The following EDA variants were observed in gnomAD, a reference collection of about 807,000 sequenced individuals.
EDA encodes ectodysplasin-A.
EDA carries 2 observed loss-of-function variants against 23.6 expected under a neutral mutation model. The observed-to-expected ratio is 0.08, with a 90% CI of 0.03 to 0.27. The LOEUF is 0.27. Ranked by LOEUF, EDA falls within the 10% of genes least tolerant of loss-of-function variation. The pLI, the probability that EDA is intolerant of heterozygous loss-of-function variation, is 1.00. For missense variants in EDA, 229 were observed against 324.2 expected, an observed-to-expected ratio of 0.71 and a Z score of 2.26; for synonymous variants, 131 against 132.0, an observed-to-expected ratio of 0.99 and a Z score of 0.05.
intron 1 of EDA, among the ~76,000 whole-genome samples, chrX:69,939,271 C>T (rs1215810861): frequency 1.8e-5 from 2 of 111,388 alleles, no homozygotes; most frequent in South Asian, 3.8e-4. Flanking sequence ...CAATTTCTTA[C>T]GTCAATGTTT....
At chrX:69,977,954 G>T (rs1471611233) in intron 2 of EDA, among the ~76,000 whole-genome samples, 1 of 110,688 alleles carries the variant, frequency 9.0e-6, no homozygotes, top group African/African-American at 3.3e-5. Context: ...AAAGTGTTTT[G>T]TAAACTAAAT....
intron 1 of EDA, among the ~76,000 whole-genome samples, chrX:69,751,554 T>A (rs1398098224): frequency 8.9e-6 from 1 of 112,157 alleles, no homozygotes; most frequent in African/African-American, 3.3e-5. Context: ...TTTTTCCAAT[T>A]CTATGAAGAA....
chrX:69,924,133 A>T (rs1240868760), intron 1 of EDA, among the ~76,000 whole-genome samples: 1 of 111,130 alleles, frequency 9.0e-6, no homozygotes, highest in Non-Finnish European at 1.9e-5. Context: ...CATTCTGATG[A>T]TACTTTGTTT....
At chrX:69,781,558 T>C (rs1330700750) in intron 1 of EDA, among the ~76,000 whole-genome samples, 1 of 111,916 alleles carries the variant, frequency 8.9e-6, no homozygotes, top group African/African-American at 3.2e-5. Context: ...AATTGGCCCT[T>C]CACAGAAAAA....
chrX:69,968,545 T>C (rs2019206325), intron 2 of EDA, among the ~76,000 whole-genome samples: 1 of 111,913 alleles, frequency 8.9e-6, no homozygotes, highest in Admixed American at 9.5e-5. Flanking sequence ...CCCATTCAGG[T>C]ACTTAATAAG....
intron 1 of EDA, among the ~76,000 whole-genome samples, chrX:69,673,586 CAA>C (rs55828232): frequency 0.016 from 1,719 of 106,383 alleles, 31 homozygotes; most frequent in African/African-American, 0.056. Context: ...TTACTGTATT[CAA>C]AAAAAAAAAA....
At chrX:69,735,265 G>A (rs143098915) in intron 1 of EDA, among the ~76,000 whole-genome samples, 1,534 of 108,503 alleles carry the variant, frequency 0.014, 20 homozygotes, top group African/African-American at 0.046. Flanking sequence ...CATACAAATG[G>A]CATATTTATA....
chrX:69,994,696 A>C (rs1031405275), intron 2 of EDA, among the ~76,000 whole-genome samples: 1 of 111,877 alleles, frequency 8.9e-6, no homozygotes, highest in Non-Finnish European at 1.9e-5. Context: ...TTACAGTGAG[A>C]GGTTATAATC....
chrX:70,007,140 A>G (rs936027707), intron 2 of EDA, among the ~76,000 whole-genome samples: 1 of 112,052 alleles, frequency 8.9e-6, no homozygotes, highest in African/African-American at 3.2e-5. Flanking sequence ...CTGTAGCTTT[A>G]TAGTAAGTAT....
chrX:69,737,344 G>C (rs1007188509), intron 1 of EDA, among the ~76,000 whole-genome samples: 1 of 111,079 alleles, frequency 9.0e-6, no homozygotes, highest in Non-Finnish European at 1.9e-5. Flanking sequence ...CCTTCTTTTG[G>C]AGTAATTGAA....
At chrX:69,872,646 A>G (rs1202518642) in intron 1 of EDA, among the ~76,000 whole-genome samples, 1 of 111,977 alleles carries the variant, frequency 8.9e-6, no homozygotes, top group Admixed American at 9.5e-5. Flanking sequence ...CAGTTTAAAA[A>G]GACAGAGCAA....
chrX:70,033,939 A>ACGTTGTAATGAATAGTG (rs1201821892), intron 7 of EDA, among the ~76,000 whole-genome samples: 7 of 111,312 alleles, frequency 6.3e-5, no homozygotes, highest in African/African-American at 2.3e-4. Flanking sequence ...GCTGGCTCGG[A>ACGTTGTAATGAATAGTG]CGTTGTAATG....
intron 1 of EDA, among the ~76,000 whole-genome samples, chrX:69,880,862 G>A (rs763687233): frequency 2.7e-5 from 3 of 111,988 alleles, no homozygotes; most frequent in Non-Finnish European, 5.6e-5. Context: ...GCAGGGAGAT[G>A]CAATGTCATG....
intron 1 of EDA, among the ~76,000 whole-genome samples, chrX:69,819,027 A>G (rs1295350671): frequency 8.9e-6 from 1 of 112,132 alleles, no homozygotes; most frequent in Non-Finnish European, 1.9e-5. Context: ...CACCACAATC[A>G]AGTTGGCTTT....
chrX:69,804,003 T>A (rs1316238519), intron 1 of EDA, among the ~76,000 whole-genome samples: 1 of 111,165 alleles, frequency 9.0e-6, no homozygotes, highest in African/African-American at 3.3e-5. Context: ...TTCTTTTTTA[T>A]GGATGAGTAG....
chrX:69,851,502 G>A (rs976608126), intron 1 of EDA, among the ~76,000 whole-genome samples: 12 of 112,270 alleles, frequency 1.1e-4, no homozygotes, highest in Non-Finnish European at 2.3e-4. Context: ...GTGTGCATCT[G>A]TTCTTTTTCA....
chrX:70,028,036 G>C lies in EDA; in HGVS notation c.706G>C (p.Gly236Arg). The change falls in exon 4 of 8, where the codon GGT becomes CGT. Residue 236 changes from glycine to arginine, a missense_variant and splice_region_variant. Gly to Arg is a moderately radical substitution (Grantham distance 125, BLOSUM62 -2). Around this residue, in one of 2 missense-constraint regions of EDA, gnomAD observed 175 missense variants for 281.8 expected, o/e 0.62. Transcript: ENST00000374552. ...ACCCCCTGGCCTCCAGGGACCTTCT[G>C]GTGAGTTCCCCTGTCTCTCCACCCC... ...QGPPGLQGPS[G>R]AADKAGTREN... 1 of 1,166,765 alleles carries C rather than the reference G, an allele frequency of 8.6e-7. No individual in the cohort carries two copies. The highest frequency in any genetic ancestry group is 3.0e-5 in the East Asian group (1 of 32,888).
rs1298277705 is a variant in EDA at position 69,861,599 on chromosome X, C to T, written c.397-95428C>T. On this transcript the variant is annotated intron_variant, in intron 1 of 7. Coordinates refer to ENST00000374552, the MANE Select transcript of EDA (RefSeq NM_001399.5). Reference sequence around the variant, plus strand: ...TCTCTGGTTAAAAGACAAAAATTATCACACTTACAAAATAAATTTAGGCAT... The same window carrying T: ...TCTCTGGTTAAAAGACAAAAATTATTACACTTACAAAATAAATTTAGGCAT... Among the ~76,000 whole-genome samples the T allele has an allele frequency of 8.1e-5, 9 of 111,647 alleles. No homozygotes were observed. The East Asian group carries it at 2.6e-3, about 32-fold the overall frequency.
intron 2 of EDA, among the ~76,000 whole-genome samples, chrX:69,988,716 C>A (rs1360351860): frequency 9.1e-6 from 1 of 109,855 alleles, no homozygotes; most frequent in African/African-American, 3.3e-5. Flanking sequence ...ATTAGCCGGG[C>A]GTGGTGGCAG....
Sources: allele counts gnomAD v4.1 joint callset (sites outside exome capture counted in the v4.1 genomes callset), GRCh38; gene constraint gnomAD v4.1.1; regional missense constraint gnomAD v4.1.1; transcripts MANE v1.5; gene names NCBI Gene and HGNC (gene_info 2026-07-23, HGNC 2026-07-21).